Variants in HSPBAP1 observed in about 807,000 individuals in gnomAD.
The protein encoded by HSPBAP1 is HSPB1-associated protein 1.
In HSPBAP1, 27 loss-of-function variants were observed where a neutral mutation model predicts 45.2. The observed-to-expected ratio is 0.60, with a 90% CI of 0.44 to 0.82. The LOEUF (loss-of-function observed/expected upper bound fraction) is 0.82. Ranked by LOEUF, HSPBAP1 falls within the 40% of genes least tolerant of loss-of-function variation. HSPBAP1 has a pLI of 0.00. For missense variants in HSPBAP1, 510 were observed against 590.9 expected (o/e 0.86, Z 1.42); for synonymous variants, 204 against 202.7 (o/e 1.01, Z -0.06).
chr3:122,753,746 C>T (rs1370942068), intron 5 of HSPBAP1: 1 of 984,656 alleles, frequency 1.0e-6, no homozygotes, highest in African/African-American at 1.7e-5. Context: ...CTATAAAAGG[C>T]CACTTGATAG....
rs918735961 is a variant in HSPBAP1, at chr3:122,743,479, T to C, written c.826-2366A>G. Reference sequence around the variant, plus strand: ...TACTCAGGAGGCTGAAGCAGGAGAATTGCCTGAACCTGGGAGGCGGAGGTT... The same window carrying C: ...TACTCAGGAGGCTGAAGCAGGAGAACTGCCTGAACCTGGGAGGCGGAGGTT... On this transcript the variant is annotated intron_variant, in intron 6 of 7. Transcript: ENST00000306103. Among the ~76,000 whole-genome samples the C allele has an allele frequency of 5.3e-5, 8 of 152,114 alleles. 1 individual carries two copies. The highest frequency in any genetic ancestry group is 1.2e-4 in the Non-Finnish European group (8 of 68,018).
chr3:122,741,509 A>G (rs565233043), intron 6 of HSPBAP1: 1 of 175,020 alleles, frequency 5.7e-6, no homozygotes, highest in Non-Finnish European at 1.2e-5. Context: ...TACAATAAAC[A>G]TGCTTGGCTA....
At chr3:122,789,948 C>T (rs1221858944) in intron 1 of HSPBAP1, among the ~76,000 whole-genome samples, 4 of 151,450 alleles carry the variant, frequency 2.6e-5, no homozygotes, top group Non-Finnish European at 4.4e-5. Context: ...CTACAACCTC[C>T]GCTTCACAGG....
At chr3:122,779,527 A>T (rs1003333970) in intron 1 of HSPBAP1, among the ~76,000 whole-genome samples, 2 of 61,158 alleles carry the variant, frequency 3.3e-5, no homozygotes, top group African/African-American at 9.5e-5. Context: ...TTTATTTTTT[A>T]TTGATCATTC....
intron 1 of HSPBAP1, among the ~76,000 whole-genome samples, chr3:122,787,265 C>T (rs13086404): frequency 0.094 from 14,231 of 152,198 alleles, 727 homozygotes; most frequent in East Asian, 0.13. Flanking sequence ...AAATAAATTG[C>T]GTCCTTCTCA....
intron 5 of HSPBAP1, 72 bp downstream of exon 5, chr3:122,755,188 A>G (rs1934302029): frequency 1.5e-6 from 2 of 1,311,004 alleles, no homozygotes; most frequent in African/African-American, 1.5e-5. Context: ...GGAAGCACAC[A>G]GCATAAGGAC....
At chr3:122,748,174 T>C (rs11925059) in intron 6 of HSPBAP1, among the ~76,000 whole-genome samples, 62,897 of 150,708 alleles carry the variant, frequency 0.42, 14,273 homozygotes, top group South Asian at 0.54. Flanking sequence ...AAACAGACGC[T>C]TGAAGGCAGC....
At position 122,749,978 on chromosome 3, in the gene HSPBAP1, CT is replaced by C. The variant is rs369371448; in HGVS notation, c.825+2612del. ...AGTAAATATGTTACTGGTTTTCTTT[CT>C]TTTTTTTTTTTTTTGAGACAGAGAC... On this transcript the variant is annotated intron_variant, in intron 6 of 7. Coordinates refer to ENST00000306103, the MANE Select transcript of HSPBAP1 (RefSeq NM_024610.6). Among the ~76,000 whole-genome samples, 324 of 140,136 alleles carry C rather than the reference CT, an allele frequency of 2.3e-3. 1 individual carries two copies. Among genetic ancestry groups the C allele is most frequent in the Admixed American group, 3.9e-3 (54 of 13,908 alleles). 91.9% of individuals were successfully genotyped at this position (140,136 alleles called of 152,430 possible). A position where few individuals can be genotyped will look rare whatever the true frequency, so the allele number is the denominator to read the frequency against.
intron 5 of HSPBAP1, chr3:122,753,754 T>C: frequency 1.0e-6 from 1 of 985,244 alleles, no homozygotes; most frequent in Non-Finnish European, 1.2e-6. Context: ...GGCCACTTGA[T>C]AGTCATTAGT....
rs890405749 is a variant in HSPBAP1 at position 122,746,906 on chromosome 3, C to T, written c.825+5685G>A. On this transcript the variant is annotated intron_variant, in intron 6 of 7. Transcript: ENST00000306103. ...CTAACCGCGAGTGATCTGCCAGCCTCGGCCTCCCGAGGTGCTGGGATTGCA... is the reference window on the plus strand; with the variant it reads ...CTAACCGCGAGTGATCTGCCAGCCTTGGCCTCCCGAGGTGCTGGGATTGCA... Among the ~76,000 whole-genome samples, 39 of 152,100 alleles carry T rather than the reference C, an allele frequency of 2.6e-4. 1 individual carries two copies. Among genetic ancestry groups the T allele is most frequent in the African/African-American group, 8.7e-4 (36 of 41,484 alleles).
In HSPBAP1 at chr3:122,759,319, TC is replaced by T; in HGVS notation, c.473del (p.Gly158AspfsTer70). On this transcript the variant is annotated frameshift_variant, in exon 4 of 8. Transcript: ENST00000306103. LOFTEE classifies it high-confidence loss of function. ...AGCCAATCCACAATGTACTTTCCTG[TC>T]CATTTCTTCCAGGAAACCCGAAGTC... is the stretch of plus-strand genomic sequence containing the variant. The part of the protein sequence containing the change: ...WSDFGFPGRN[G>X]QESTLWIGSL... The T allele has an allele frequency of 6.2e-7, 1 of 1,613,966 alleles. No homozygotes were observed. Among genetic ancestry groups the T allele is most frequent in the Non-Finnish European group, 8.5e-7 (1 of 1,179,856 alleles).
chr3:122,780,787 C>A (rs1298776493), intron 1 of HSPBAP1, among the ~76,000 whole-genome samples: 1 of 150,908 alleles, frequency 6.6e-6, no homozygotes. Context: ...AGGGGCTCCT[C>A]ACTTCTCAGA....
At chr3:122,788,644 A>G (rs1295487042) in intron 1 of HSPBAP1, among the ~76,000 whole-genome samples, 15 of 152,220 alleles carry the variant, frequency 9.9e-5, no homozygotes, top group Admixed American at 9.8e-4. Context: ...CATATACTAC[A>G]ACATGGATGA....
At chr3:122,750,220 AC>A (rs1470652257) in intron 6 of HSPBAP1, among the ~76,000 whole-genome samples, 2 of 149,872 alleles carry the variant, frequency 1.3e-5, no homozygotes, top group Non-Finnish European at 3.0e-5. Flanking sequence ...TGATCCACCC[AC>A]CTCGGCCTCC....
intron 1 of HSPBAP1, among the ~76,000 whole-genome samples, chr3:122,783,392 T>C (rs1352105381): frequency 6.6e-6 from 1 of 152,216 alleles, no homozygotes; most frequent in Non-Finnish European, 1.5e-5. Flanking sequence ...GGATTCCGCG[T>C]GTATGAAAAT....
At chr3:122,753,420 AGTT>A in intron 5 of HSPBAP1, 3 of 979,310 alleles carry the variant, frequency 3.1e-6, no homozygotes, top group Non-Finnish European at 3.6e-6. Context: ...AGGCACTAGG[AGTT>A]GTTGAGAAAT....
At chr3:122,744,011 T>C (rs1270004299) in intron 6 of HSPBAP1, among the ~76,000 whole-genome samples, 6 of 152,102 alleles carry the variant, frequency 3.9e-5, no homozygotes, top group Non-Finnish European at 8.8e-5. Context: ...AGATTCCATC[T>C]CTAAAAAATA....
chr3:122,793,183 C>A (rs1392948473), intron 1 of HSPBAP1, among the ~76,000 whole-genome samples: 2 of 152,184 alleles, frequency 1.3e-5, no homozygotes, highest in Non-Finnish European at 2.9e-5. Flanking sequence ...GGCCTCCAAA[C>A]CTCATCCCCA....
At chr3:122,765,574 C>T (rs1291152511) in intron 3 of HSPBAP1, among the ~76,000 whole-genome samples, 14 of 134,804 alleles carry the variant, frequency 1.0e-4, no homozygotes, top group Non-Finnish European at 1.7e-4. Flanking sequence ...GAGTCAGACT[C>T]TGTCTCAAAA....
Sources: allele counts gnomAD v4.1 joint callset (sites outside exome capture counted in the v4.1 genomes callset), GRCh38; gene constraint gnomAD v4.1.1; transcripts MANE v1.5; gene names NCBI Gene and HGNC (gene_info 2026-07-23, HGNC 2026-07-21).